Variants in SH3GL3 observed in about 807,000 individuals in gnomAD.
SH3GL3 encodes SH3 domain containing GRB2 like 3, endophilin A3.
A neutral mutation model predicts 47.7 loss-of-function variants in SH3GL3; 33 were observed. The ratio of observed to expected loss-of-function variants is 0.69; its 90% CI spans 0.52 to 0.92. The LOEUF (loss-of-function observed/expected upper bound fraction) is 0.92. Among genes scored for constraint, SH3GL3 ranks in the 40% least tolerant of loss-of-function variants. The pLI, the probability that SH3GL3 is intolerant of heterozygous loss-of-function variation, is 0.00. For synonymous variants in SH3GL3, 155 were observed against 148.8 expected, an observed-to-expected ratio of 1.04 and a Z score of -0.30; for missense variants, 363 against 417.8, an observed-to-expected ratio of 0.87 and a Z score of 1.14.
At chr15:83,466,170 T>G (rs2040559149) in intron 1 of SH3GL3, among the ~76,000 whole-genome samples, 1 of 152,222 alleles carries the variant, frequency 6.6e-6, no homozygotes, top group Admixed American at 6.5e-5. Context: ...AGTGTCAGCG[T>G]AATACTATAT....
intron 4 of SH3GL3, 86 bp downstream of exon 4, chr15:83,568,758 C>G: frequency 1.0e-6 from 1 of 968,076 alleles, no homozygotes; most frequent in Non-Finnish European, 1.5e-6. Context: ...GTCTAACAAC[C>G]TTTGTTATTT....
At chr15:83,547,084 C>G (rs950271162) in intron 1 of SH3GL3, among the ~76,000 whole-genome samples, 3 of 152,162 alleles carry the variant, frequency 2.0e-5, no homozygotes, top group Non-Finnish European at 4.4e-5. Context: ...GCATGCACCC[C>G]AGTTCCACTG....
chr15:83,591,727 C>T (rs2060104193), intron 8 of SH3GL3, among the ~76,000 whole-genome samples: 1 of 151,872 alleles, frequency 6.6e-6, no homozygotes, highest in Non-Finnish European at 1.5e-5. Context: ...GCTCTGTCAC[C>T]CAGGCTGGAG....
chr15:83,571,717 G>A (rs894838186), intron 4 of SH3GL3, among the ~76,000 whole-genome samples: 12 of 152,110 alleles, frequency 7.9e-5, no homozygotes, highest in African/African-American at 2.9e-4. Context: ...TTCAAGCCTA[G>A]AAATGGAGCA....
At chr15:83,453,630 A>C (rs2039884945) in intron 1 of SH3GL3, among the ~76,000 whole-genome samples, 1 of 149,304 alleles carries the variant, frequency 6.7e-6, no homozygotes, top group East Asian at 2.0e-4. Flanking sequence ...GGTAGTTTGT[A>C]TTTCTGTGGG....
chr15:83,591,060 T>G (rs2060082944), intron 8 of SH3GL3, among the ~76,000 whole-genome samples: 1 of 152,058 alleles, frequency 6.6e-6, no homozygotes, highest in Non-Finnish European at 1.5e-5. Flanking sequence ...CAGGCTGGAG[T>G]AGAGTGGTGC....
rs556434541 is a variant in SH3GL3, at chr15:83,502,694, G to A, written c.45+55116G>A. 1.6e-3 allele frequency among the ~76,000 whole-genome samples: 247 copies of A among 152,226 alleles called. 1 individual carries two copies. The highest frequency in any genetic ancestry group is 2.0e-3 in the Non-Finnish European group (139 of 68,004). On this transcript the variant is annotated intron_variant, in intron 1 of 8. Transcript: ENST00000427482. The stretch of plus-strand genomic sequence containing the variant: ...CTCCCTCAGCCTCCTGAGTAGCTAG[G>A]AGTACAGGCATGCTCCACCTTGCCT...
the SH3GL3 span, among the ~76,000 whole-genome samples, chr15:83,628,973 T>G: frequency 2.0e-5 from 3 of 152,128 alleles, no homozygotes; most frequent in Admixed American, 6.6e-5. Flanking sequence ...CATTTAATAT[T>G]AAAACTATAA....
intron 1 of SH3GL3, among the ~76,000 whole-genome samples, chr15:83,517,536 A>T (rs1178062562): frequency 6.6e-6 from 1 of 151,862 alleles, no homozygotes; most frequent in African/African-American, 2.4e-5. Flanking sequence ...TGTTTCCCTC[A>T]TTTTGATTGA....
At chr15:83,616,373 C>G (rs1407284170) in intron 8 of SH3GL3, among the ~76,000 whole-genome samples, 1 of 151,568 alleles carries the variant, frequency 6.6e-6, no homozygotes, top group Non-Finnish European at 1.5e-5. Flanking sequence ...CTGCCTCAGC[C>G]TCTCCAAGTA....
rs570696522 is a variant in SH3GL3 at position 83,555,157 on chromosome 15, T to C, written c.46-4096T>C. 6.6e-5 allele frequency among the ~76,000 whole-genome samples: 10 copies of C among 152,294 alleles called. 1 individual carries two copies. In the South Asian group the frequency reaches 2.1e-3, roughly 32 times the overall value. On this transcript the variant is annotated intron_variant, in intron 1 of 8. Transcript: ENST00000427482. ...TGCGCCCAGGCTGGAGTTTGTCCCA[T>C]CTATTGGGTTTTTCATTTTTATGAC... is the stretch of plus-strand genomic sequence containing the variant.
chr15:83,544,232 A>G (rs2044298598), intron 1 of SH3GL3, among the ~76,000 whole-genome samples: 1 of 152,052 alleles, frequency 6.6e-6, no homozygotes, highest in Non-Finnish European at 1.5e-5. Context: ...GTTTCAAGGA[A>G]TTTTAAAATT....
chr15:83,609,123 C>T (rs992417309), intron 8 of SH3GL3: 5 of 370,820 alleles, frequency 1.3e-5, no homozygotes, highest in East Asian at 7.6e-5. Flanking sequence ...CTGACGAGTG[C>T]GGATTCTCAT....
At chr15:83,506,099 T>G (rs567886589) in intron 1 of SH3GL3, among the ~76,000 whole-genome samples, 4 of 152,332 alleles carry the variant, frequency 2.6e-5, no homozygotes, top group Admixed American at 2.0e-4. Flanking sequence ...GTTTTTTTCG[T>G]AGTTGATTTT....
chr15:83,457,496 C>T (rs574956221), intron 1 of SH3GL3, among the ~76,000 whole-genome samples: 4 of 152,286 alleles, frequency 2.6e-5, no homozygotes, highest in African/African-American at 9.6e-5. Flanking sequence ...GGGGCCTGGA[C>T]GTATTCCCTG....
chr15:83,447,507 A>G lies in SH3GL3; in HGVS notation c.-27A>G. The G allele has an allele frequency of 1.3e-6, 2 of 1,492,712 alleles. No individual in the cohort carries two copies. Among genetic ancestry groups the G allele is most frequent in the Middle Eastern group, 1.8e-4 (1 of 5,670 alleles). The allele number at this position is 1,492,712 out of a possible 1,614,324, so 92.5% of individuals were successfully genotyped here. ...CGTGGCCCAGCCGAGCCTTGAGACC[A>G]CCCCGCCCCTGCCGGTCGCAGTCGC... is the stretch of plus-strand genomic sequence containing the variant. On this transcript the variant is annotated 5_prime_UTR_variant, in exon 1 of 9. Coordinates refer to ENST00000427482, the MANE Select transcript of SH3GL3 (RefSeq NM_003027.5). The surrounding 1 kb of genome is among the most constrained non-coding windows in gnomAD (Gnocchi z 5.1).
intron 8 of SH3GL3, among the ~76,000 whole-genome samples, chr15:83,591,653 T>A (rs927964450): frequency 6.6e-6 from 1 of 152,050 alleles, no homozygotes; most frequent in South Asian, 2.1e-4. Flanking sequence ...ATTATCAGAG[T>A]ATATGTGTAT....
chr15:83,620,109 C>T (rs1316117825), downstream of SH3GL3, among the ~76,000 whole-genome samples: 1 of 152,206 alleles, frequency 6.6e-6, no homozygotes, highest in East Asian at 1.9e-4. Flanking sequence ...TGCAGGAATT[C>T]AGTCACATCT....
At chr15:83,491,991 A>G (rs1001623934) in intron 1 of SH3GL3, among the ~76,000 whole-genome samples, 13 of 152,194 alleles carry the variant, frequency 8.5e-5, no homozygotes, top group South Asian at 8.3e-4. Context: ...CCAACTATTT[A>G]TAGAAAGTAC....
Sources: gnomAD v4.1 joint callset for allele counts (sites outside exome capture counted in the v4.1 genomes callset) on GRCh38, gnomAD v4.1.1 for gene constraint, Gnocchi (gnomAD v3.1) non-coding constraint, MANE v1.5 for transcripts, NCBI Gene and HGNC (gene_info 2026-07-23, HGNC 2026-07-21) for gene names.